WWC2: variants seen among roughly 807,000 people sequenced by gnomAD.
WWC2 encodes WW and C2 domain containing 2.
Under a neutral mutation model 138.5 loss-of-function variants are expected in WWC2, and 101 were observed. That is an observed-to-expected ratio of 0.73 (90% CI 0.62 to 0.86). The LOEUF (loss-of-function observed/expected upper bound fraction) is 0.86, where lower values mean the gene tolerates loss of function less well. WWC2 is among the 40% of genes least tolerant of loss of function. WWC2 has a pLI of 0.00. For synonymous variants in WWC2, 558 were observed against 538.4 expected (o/e 1.04, Z -0.50); for missense variants, 1,420 against 1,419.4 (o/e 1.00, Z -0.01).
Position 183,195,321 on chromosome 4 carries a change from C to T in WWC2, c.241+1613C>T, listed in dbSNP as rs1313069778. Reference sequence around the variant, plus strand: ...TATTTGGGAAACCAGAAACCAACCTCGCCATCCTGGGTCAACAAAAATAAG... The same window carrying T: ...TATTTGGGAAACCAGAAACCAACCTTGCCATCCTGGGTCAACAAAAATAAG... On this transcript the variant is annotated intron_variant, in intron 2 of 22. Coordinates refer to ENST00000403733, the MANE Select transcript of WWC2 (RefSeq NM_024949.6). Among the ~76,000 whole-genome samples the T allele has an allele frequency of 5.3e-5, 8 of 152,296 alleles. No individual in the cohort carries two copies. The East Asian group carries it at 5.8e-4, about 11-fold the overall frequency.
intron 2 of WWC2, among the ~76,000 whole-genome samples, chr4:183,200,582 C>T (rs1357350679): frequency 6.6e-6 from 1 of 152,088 alleles, no homozygotes; most frequent in Non-Finnish European, 1.5e-5. Context: ...AGTTTGCAAT[C>T]AAGGTGTCAG....
intron 1 of WWC2, among the ~76,000 whole-genome samples, chr4:183,130,242 C>T (rs1177893439): frequency 7.2e-5 from 11 of 151,988 alleles, no homozygotes; most frequent in African/African-American, 2.7e-4. Flanking sequence ...TTAGTAGAGA[C>T]GGGGTTTCAT....
intron 1 of WWC2, among the ~76,000 whole-genome samples, chr4:183,168,183 T>C (rs2111157786): frequency 6.6e-6 from 1 of 151,112 alleles, no homozygotes; most frequent in South Asian, 2.1e-4. Context: ...TCTTTCTTTT[T>C]TTTTTTTTTT....
Position 183,165,830 on chromosome 4 carries a change from G to C in WWC2, c.132-27769G>C, listed in dbSNP as rs371125235. On this transcript the variant is annotated intron_variant, in intron 1 of 22. Coordinates refer to ENST00000403733, the MANE Select transcript of WWC2 (RefSeq NM_024949.6). ...TGAAATACACTTGGACAAAAAATAA[G>C]TGTTTGATTTTTAAAAAATGCTTTT... is the stretch of plus-strand genomic sequence containing the variant. 2.0e-5 allele frequency among the ~76,000 whole-genome samples: 3 copies of C among 152,164 alleles called. No individual in the cohort carries two copies. The East Asian group carries it at 5.8e-4, about 29-fold the overall frequency.
chr4:183,107,531 C>T (rs570097299), intron 1 of WWC2, among the ~76,000 whole-genome samples: 131 of 152,210 alleles, frequency 8.6e-4, no homozygotes, highest in Non-Finnish European at 1.7e-3. Context: ...TTTCCCTCTT[C>T]GTAGTGTTTT....
chr4:183,128,724 G>A (rs147707967), intron 1 of WWC2, among the ~76,000 whole-genome samples: 208 of 152,314 alleles, frequency 1.4e-3, no homozygotes, highest in African/African-American at 4.9e-3. Context: ...TATGTGAGAA[G>A]CTGTATTTAT....
chr4:183,123,622 T>G (rs1391026001), intron 1 of WWC2, among the ~76,000 whole-genome samples: 6 of 152,182 alleles, frequency 3.9e-5, no homozygotes, highest in Non-Finnish European at 5.9e-5. Flanking sequence ...TTTTTAAATC[T>G]GAAGGCAAAT....
intron 8 of WWC2, among the ~76,000 whole-genome samples, chr4:183,252,362 A>G (rs937025857): frequency 1.3e-5 from 2 of 152,228 alleles, no homozygotes; most frequent in Non-Finnish European, 2.9e-5. Context: ...GTTATGGTCG[A>G]AAGAACCATG....
At chr4:183,174,011 C>T (rs1292427228) in intron 1 of WWC2, among the ~76,000 whole-genome samples, 1 of 152,124 alleles carries the variant, frequency 6.6e-6, no homozygotes, top group Non-Finnish European at 1.5e-5. Context: ...TTCTCTTGGT[C>T]TGGTCAGTTT....
At chr4:183,268,328 A>G (rs1737575098) in intron 14 of WWC2, among the ~76,000 whole-genome samples, 1 of 152,202 alleles carries the variant, frequency 6.6e-6, no homozygotes, top group Admixed American at 6.5e-5. Flanking sequence ...TAGTATTAGA[A>G]GTTATTGTTT....
intron 1 of WWC2, among the ~76,000 whole-genome samples, chr4:183,112,856 T>TG (rs1003778559): frequency 3.3e-5 from 5 of 152,250 alleles, no homozygotes; most frequent in South Asian, 4.1e-4. Context: ...TGTGAAGATC[T>TG]GGGGGGAAGA....
intron 5 of WWC2, among the ~76,000 whole-genome samples, chr4:183,244,586 G>T (rs149114467): frequency 0.016 from 2,407 of 151,504 alleles, 52 homozygotes; most frequent in African/African-American, 0.053. Context: ...TATATATATA[G>T]AGAGAGAGAG....
At chr4:183,179,657 G>A (rs1393086223) in intron 1 of WWC2, among the ~76,000 whole-genome samples, 1 of 152,072 alleles carries the variant, frequency 6.6e-6, no homozygotes, top group East Asian at 1.9e-4. Context: ...CAGGTCATTT[G>A]GGGGAGGAAT....
In WWC2 at chr4:183,319,306, C is replaced by G; in HGVS notation, c.*3577C>G. On this transcript the variant is annotated 3_prime_UTR_variant, in exon 23 of 23. Coordinates refer to ENST00000403733, the MANE Select transcript of WWC2 (RefSeq NM_024949.6). ...TTTATTTACCACTTCTGTGCAATCG[C>G]TATTTTAAAATTGAGAAAACTCATC... 1 of 427,248 alleles carries G rather than the reference C, an allele frequency of 2.3e-6. No individual in the cohort carries two copies. 26.5% of individuals were successfully genotyped at this position (427,248 alleles called of 1,614,324 possible). A position where few individuals can be genotyped will look rare whatever the true frequency, so the allele number is the denominator to read the frequency against.
At chr4:183,244,580 T>C (rs145081804) in intron 5 of WWC2, among the ~76,000 whole-genome samples, 2 of 150,500 alleles carry the variant, frequency 1.3e-5, no homozygotes, top group East Asian at 3.9e-4. Context: ...TATATATATA[T>C]ATATAGAGAG....
rs535699062 is a variant in WWC2, at chr4:183,173,743, G to T, written c.132-19856G>T. On this transcript the variant is annotated intron_variant, in intron 1 of 22. Coordinates refer to ENST00000403733, the MANE Select transcript of WWC2 (RefSeq NM_024949.6). ...CACTGCGGGGGGCCAGCTGCCCGGG[G>T]ATTCATCCAGAGCCACTTTGGACTT... 2.6e-5 allele frequency among the ~76,000 whole-genome samples: 4 copies of T among 152,216 alleles called. No individual in the cohort carries two copies. In the East Asian group the frequency reaches 7.8e-4, roughly 30 times the overall value.
At chr4:183,220,580 A>C (rs1468645604) in intron 4 of WWC2, among the ~76,000 whole-genome samples, 1 of 151,872 alleles carries the variant, frequency 6.6e-6, no homozygotes, top group Non-Finnish European at 1.5e-5. Flanking sequence ...CACGCCTGTA[A>C]TTCCAGCACT....
intron 1 of WWC2, among the ~76,000 whole-genome samples, chr4:183,107,282 C>T (rs1238370475): frequency 6.6e-6 from 1 of 152,110 alleles, no homozygotes; most frequent in African/African-American, 2.4e-5. Context: ...CCACCTCAGC[C>T]TCCTGAGTAG....
chr4:183,234,768 C>T (rs1213710532), intron 4 of WWC2, among the ~76,000 whole-genome samples: 1 of 152,024 alleles, frequency 6.6e-6, no homozygotes, highest in African/African-American at 2.4e-5. Context: ...GCCTGGAATA[C>T]GTTAAAAGCA....
Sources: gnomAD v4.1 joint callset for allele counts (sites outside exome capture counted in the v4.1 genomes callset) on GRCh38, gnomAD v4.1.1 for gene constraint, MANE v1.5 for transcripts, NCBI Gene and HGNC (gene_info 2026-07-23, HGNC 2026-07-21) for gene names.